ZCCHC2: variants seen among roughly 807,000 people sequenced by gnomAD.
ZCCHC2 encodes the protein zinc finger CCHC-type containing 2, also known as zinc finger CCHC domain-containing protein 2.
A neutral mutation model predicts 103.6 loss-of-function variants in ZCCHC2; 39 were observed. That is an observed-to-expected ratio of 0.38 (90% confidence interval 0.29 to 0.49). The LOEUF is 0.49. Among genes scored for constraint, ZCCHC2 ranks in the 20% least tolerant of loss-of-function variants. The pLI is 0.96. For missense variants in ZCCHC2, 1,483 were observed against 1,491.0 expected, an observed-to-expected ratio of 0.99 and a Z score of 0.09; for synonymous variants, 687 against 608.9, an observed-to-expected ratio of 1.13 and a Z score of -1.89.
chr18:62,532,798 A>G lies in ZCCHC2; in HGVS notation c.940-6883A>G, dbSNP rs1456678554. ...TGCCTGTAATCCCAGCACTGTGGGA[A>G]GCTGAGGCGGGTGGATTGCTTGAGC... On this transcript the variant is annotated intron_variant, in intron 1 of 13. Coordinates refer to ENST00000269499, the MANE Select transcript of ZCCHC2 (RefSeq NM_017742.6). Among the ~76,000 whole-genome samples the G allele has an allele frequency of 6.6e-5, 10 of 151,946 alleles. No homozygotes were observed. The East Asian group carries it at 1.8e-3, about 27-fold the overall frequency.
intron 1 of ZCCHC2, chr18:62,525,082 C>T (rs1023926674): frequency 3.3e-5 from 5 of 152,184 alleles, no homozygotes; most frequent in African/African-American, 1.2e-4. Context: ...GCCTGGGATG[C>T]TTTTTCCCTC....
intron 1 of ZCCHC2, among the ~76,000 whole-genome samples, chr18:62,532,518 G>T (rs1409815735): frequency 6.6e-6 from 1 of 152,040 alleles, no homozygotes; most frequent in Non-Finnish European, 1.5e-5. Flanking sequence ...ATGGACCCTG[G>T]CCTCTAATAG....
In ZCCHC2 at chr18:62,524,243, C is replaced by T. The variant is rs999386789; in HGVS notation, c.819C>T (p.Ser273=). The change falls in exon 1 of 14, where the codon TCC becomes TCT. Residue 273 remains serine, a synonymous_variant. Coordinates refer to ENST00000269499, the MANE Select transcript of ZCCHC2 (RefSeq NM_017742.6). ...TGGCCTCGCTGCACCCGGCTTTCTC[C>T]TTCCACCAGCGGGTCACCCTGAGGG... ...FTMASLHPAF[S]FHQRVTLREH... 1.2e-5 allele frequency: 19 copies of T among 1,550,126 alleles called. No homozygotes were observed. Among genetic ancestry groups the T allele is most frequent in the East Asian group, 2.4e-5 (1 of 40,874 alleles).
intron 1 of ZCCHC2, among the ~76,000 whole-genome samples, chr18:62,538,018 A>G (rs1437104290): frequency 1.3e-5 from 2 of 152,136 alleles, no homozygotes; most frequent in African/African-American, 2.4e-5. Context: ...TTTTTTTCAT[A>G]TTTTGCATTA....
chr18:62,536,029 A>G (rs1598933284), intron 1 of ZCCHC2, among the ~76,000 whole-genome samples: 1 of 152,382 alleles, frequency 6.6e-6, no homozygotes, highest in East Asian at 1.9e-4. Context: ...TGTTAGACGA[A>G]CTAAAACTCC....
intron 11 of ZCCHC2, among the ~76,000 whole-genome samples, chr18:62,566,533 C>T (rs78146763): frequency 0.13 from 19,018 of 152,126 alleles, 1,508 homozygotes; most frequent in African/African-American, 0.22. Flanking sequence ...ATACTGCTGC[C>T]GTGTTTGTTT....
intron 4 of ZCCHC2, among the ~76,000 whole-genome samples, chr18:62,548,330 C>G (rs1418401713): frequency 1.3e-5 from 2 of 152,122 alleles, no homozygotes; most frequent in Admixed American, 1.3e-4. Context: ...ATAAAAACCA[C>G]TTGAAAATAA....
At chr18:62,549,031 A>G (rs191352090) in intron 4 of ZCCHC2, among the ~76,000 whole-genome samples, 46 of 152,218 alleles carry the variant, frequency 3.0e-4, no homozygotes, top group African/African-American at 1.1e-3. Context: ...CATCCTGACT[A>G]ACACGGTGAA....
chr18:62,524,531 C>A, intron 1 of ZCCHC2, 168 bp downstream of exon 1: 1 of 1,111,502 alleles, frequency 9.0e-7, no homozygotes, highest in Non-Finnish European at 1.2e-6. Context: ...TCTCGCTGGG[C>A]CGCTCCGTTC....
downstream of ZCCHC2, among the ~76,000 whole-genome samples, chr18:62,578,946 T>G (rs1916966416): frequency 6.6e-6 from 1 of 152,190 alleles, no homozygotes; most frequent in East Asian, 1.9e-4. Context: ...TTTTGTATTT[T>G]TAGTAGAAAC....
chr18:62,531,168 T>A (rs115630098), intron 1 of ZCCHC2, among the ~76,000 whole-genome samples: 4 of 152,204 alleles, frequency 2.6e-5, no homozygotes, highest in Non-Finnish European at 5.9e-5. Context: ...TGACAGTACT[T>A]CTTTTACTTA....
intron 1 of ZCCHC2, among the ~76,000 whole-genome samples, chr18:62,535,715 C>T (rs1038527615): frequency 1.3e-5 from 2 of 152,188 alleles, no homozygotes; most frequent in Admixed American, 6.5e-5. Context: ...AGAGCATCAC[C>T]ACCAGCACAT....
In ZCCHC2 at chr18:62,523,889, C is replaced by T. The variant is rs539166852; in HGVS notation, c.465C>T (p.Leu155=). 26 of 1,541,506 alleles carry T rather than the reference C, an allele frequency of 1.7e-5. No individual in the cohort carries two copies. In the Admixed American group the frequency reaches 3.3e-4, roughly 20 times the overall value. ...LRDSEAKANG[L]SDPGPLADFR... ...ACTCGGAGGCCAAGGCCAACGGCCTCTCGGACCCGGGGCCGCTGGCCGACT... is the reference window on the plus strand; with the variant it reads ...ACTCGGAGGCCAAGGCCAACGGCCTTTCGGACCCGGGGCCGCTGGCCGACT... The change falls in exon 1 of 14, where the codon CTC becomes CTT. Residue 155 remains leucine (L), a synonymous_variant. Coordinates refer to ENST00000269499, the MANE Select transcript of ZCCHC2 (RefSeq NM_017742.6).
chr18:62,569,933 A>G (rs1045848113), intron 11 of ZCCHC2, among the ~76,000 whole-genome samples, 170 bp from the exon 12 acceptor site: 21 of 152,158 alleles, frequency 1.4e-4, no homozygotes, highest in African/African-American at 5.1e-4. Flanking sequence ...TTTATTAAGT[A>G]TTTTCTATTA....
intron 1 of ZCCHC2, among the ~76,000 whole-genome samples, chr18:62,537,275 C>T (rs1914970170): frequency 6.6e-6 from 1 of 152,084 alleles, no homozygotes; most frequent in South Asian, 2.1e-4. Flanking sequence ...AACTCCTGGG[C>T]CCAAGCAGTC....
chr18:62,582,545 G>A (rs1029703593), downstream of ZCCHC2, among the ~76,000 whole-genome samples: 3 of 152,140 alleles, frequency 2.0e-5, no homozygotes, highest in African/African-American at 7.2e-5. Context: ...CGGGCATGGT[G>A]GTGTGTGCCT....
chr18:62,524,454 C>T, intron 1 of ZCCHC2, 91 bp downstream of exon 1: 2 of 1,399,716 alleles, frequency 1.4e-6, no homozygotes, highest in Non-Finnish European at 1.8e-6. Flanking sequence ...TTGCCCGAGC[C>T]CCAGCCCGGC....
chr18:62,560,683 T>G (rs760044098), intron 8 of ZCCHC2, 39 bp downstream of exon 8: 2 of 1,507,688 alleles, frequency 1.3e-6, no homozygotes, highest in Non-Finnish European at 1.8e-6. Context: ...TGCTTTGGTA[T>G]GTTTTAAAAT....
chr18:62,548,957 C>T (rs974583709), intron 4 of ZCCHC2, among the ~76,000 whole-genome samples: 4 of 151,864 alleles, frequency 2.6e-5, no homozygotes, highest in Non-Finnish European at 5.9e-5. Flanking sequence ...TGGTGGCTCA[C>T]GCCTGTAATC....
Sources: gnomAD v4.1 joint callset for allele counts (sites outside exome capture counted in the v4.1 genomes callset) on GRCh38, gnomAD v4.1.1 for gene constraint, MANE v1.5 for transcripts, NCBI Gene and HGNC (gene_info 2026-07-23, HGNC 2026-07-21) for gene names.